The following TNFSF4 variants were observed in gnomAD, a reference collection of about 807,000 sequenced individuals.
TNFSF4 encodes the protein tumor necrosis factor ligand superfamily member 4.
Under a neutral mutation model 7.3 loss-of-function variants are expected in TNFSF4, and 4 were observed. The ratio of observed to expected loss-of-function variants is 0.55; its 90% CI spans 0.27 to 1.25. The LOEUF is 1.25. TNFSF4 is among the 50% of genes most tolerant of loss of function. The pLI, the probability that TNFSF4 is intolerant of heterozygous loss-of-function variation, is 0.12. For missense variants in TNFSF4, 181 were observed against 208.8 expected, an observed-to-expected ratio of 0.87 and a Z score of 0.82; for synonymous variants, 76 against 83.7, an observed-to-expected ratio of 0.91 and a Z score of 0.50.
the TNFSF4 span, among the ~76,000 whole-genome samples, chr1:173,327,512 TTAAAC>T: frequency 6.6e-6 from 1 of 151,142 alleles, no homozygotes; most frequent in South Asian, 2.1e-4. Flanking sequence ...TGGGATCTAA[TTAAAC>T]TAAAGAGCTT....
the TNFSF4 span, among the ~76,000 whole-genome samples, chr1:173,375,103 G>A: frequency 6.6e-6 from 1 of 152,114 alleles, no homozygotes; most frequent in Non-Finnish European, 1.5e-5. Flanking sequence ...CCCCTTTCTA[G>A]GTCCTGTGAC....
At chr1:173,266,564 T>C in the TNFSF4 span, among the ~76,000 whole-genome samples, 2 of 152,134 alleles carry the variant, frequency 1.3e-5, no homozygotes, top group Non-Finnish European at 2.9e-5. Context: ...TAGCCACCCA[T>C]CCAAATTGAG....
At chr1:173,325,283 G>A in the TNFSF4 span, among the ~76,000 whole-genome samples, 1 of 152,116 alleles carries the variant, frequency 6.6e-6, no homozygotes, top group African/African-American at 2.4e-5. Context: ...ATAATGAAAT[G>A]AAGGCAGAAA....
At chr1:173,424,456 G>T in the TNFSF4 span, among the ~76,000 whole-genome samples, 1 of 152,210 alleles carries the variant, frequency 6.6e-6, no homozygotes, top group Non-Finnish European at 1.5e-5. Context: ...TCAAAGTAGG[G>T]ATCTTTGTGG....
At chr1:173,430,930 C>T in the TNFSF4 span, among the ~76,000 whole-genome samples, 1 of 152,330 alleles carries the variant, frequency 6.6e-6, no homozygotes, top group African/African-American at 2.4e-5. Context: ...GTGAGAAAGC[C>T]TTTCTGTAAA....
chr1:173,293,422 G>C, the TNFSF4 span, among the ~76,000 whole-genome samples: 3 of 151,884 alleles, frequency 2.0e-5, no homozygotes, highest in Non-Finnish European at 1.5e-5. Context: ...CCATATGCAG[G>C]AGATTGAAAC....
At chr1:173,444,513 G>GT in the TNFSF4 span, among the ~76,000 whole-genome samples, 58 of 148,866 alleles carry the variant, frequency 3.9e-4, no homozygotes, top group African/African-American at 7.4e-4. Flanking sequence ...GAAATTCTGG[G>GT]TTTTTTTTTT....
the TNFSF4 span, among the ~76,000 whole-genome samples, chr1:173,444,510 TG>T: frequency 4.1e-5 from 6 of 147,234 alleles, no homozygotes; most frequent in Admixed American, 2.0e-4. Context: ...TGGGAAATTC[TG>T]GGTTTTTTTT....
chr1:173,421,486 T>C, the TNFSF4 span, among the ~76,000 whole-genome samples: 1 of 152,098 alleles, frequency 6.6e-6, no homozygotes, highest in African/African-American at 2.4e-5. Flanking sequence ...CCTTGTTGTC[T>C]AGGGAATTAT....
the TNFSF4 span, among the ~76,000 whole-genome samples, chr1:173,329,121 G>A: frequency 2.8e-4 from 43 of 152,282 alleles, 1 homozygote; most frequent in East Asian, 7.5e-3. Flanking sequence ...ATGCCTGAAA[G>A]AACAACAAAA....
the TNFSF4 span, chr1:173,351,622 T>C: frequency 4.4e-6 from 1 of 229,718 alleles, no homozygotes; most frequent in Non-Finnish European, 8.3e-6. Flanking sequence ...AAAGATACAA[T>C]GTACCATAAT....
the TNFSF4 span, among the ~76,000 whole-genome samples, chr1:173,283,440 C>T: frequency 6.6e-6 from 1 of 152,050 alleles, no homozygotes; most frequent in Non-Finnish European, 1.5e-5. Context: ...TCAGAGATTC[C>T]CACAGTAAGC....
the TNFSF4 span, among the ~76,000 whole-genome samples, chr1:173,343,948 A>G: frequency 6.6e-6 from 1 of 152,248 alleles, no homozygotes; most frequent in African/African-American, 2.4e-5. Context: ...TATTGAAGTA[A>G]AATGACAATA....
At chr1:173,280,025 C>T in the TNFSF4 span, among the ~76,000 whole-genome samples, 5,636 of 152,184 alleles carry the variant, frequency 0.037, 162 homozygotes, top group Non-Finnish European at 0.058. Flanking sequence ...TCAGAAAATG[C>T]CTCACTTTTT....
chr1:173,446,079 A>C, the TNFSF4 span, among the ~76,000 whole-genome samples: 1 of 152,240 alleles, frequency 6.6e-6, no homozygotes, highest in Non-Finnish European at 1.5e-5. Context: ...ACAAAGAACC[A>C]ATAAAAGTTT....
At chr1:173,222,579 T>C in the TNFSF4 span, among the ~76,000 whole-genome samples, 6 of 152,150 alleles carry the variant, frequency 3.9e-5, no homozygotes, top group East Asian at 1.9e-4. Flanking sequence ...TGGGCCCTCA[T>C]AGGTGCAGCA....
chr1:173,317,710 A>G, the TNFSF4 span, among the ~76,000 whole-genome samples: 1 of 152,238 alleles, frequency 6.6e-6, no homozygotes, highest in Non-Finnish European at 1.5e-5. Flanking sequence ...GGATAGGAAA[A>G]CCTAATTCTA....
chr1:173,249,213 A>T, the TNFSF4 span, among the ~76,000 whole-genome samples: 2 of 152,212 alleles, frequency 1.3e-5, no homozygotes, highest in Admixed American at 1.3e-4. Flanking sequence ...CTAGAGAGTG[A>T]GCAGGTTTGC....
the TNFSF4 span, among the ~76,000 whole-genome samples, chr1:173,438,418 G>T: frequency 6.6e-6 from 1 of 152,042 alleles, no homozygotes; most frequent in Non-Finnish European, 1.5e-5. Flanking sequence ...CTGAAAATTT[G>T]AGCTGATTAA....
Sources: gnomAD v4.1 joint callset for allele counts (sites outside exome capture counted in the v4.1 genomes callset) on GRCh38, gnomAD v4.1.1 for gene constraint, MANE v1.5 for transcripts, NCBI Gene and HGNC (gene_info 2026-07-23, HGNC 2026-07-21) for gene names.